Variants in SYN3 observed in about 807,000 individuals in gnomAD.
The protein encoded by SYN3 is synapsin III.
SYN3 carries 35 observed loss-of-function variants against 65.8 expected under a neutral mutation model. The ratio of observed to expected loss-of-function variants is 0.53; its 90% confidence interval spans 0.41 to 0.70. The LOEUF is 0.70. Ranked by LOEUF, SYN3 falls within the 30% of genes least tolerant of loss-of-function variation. SYN3 has a pLI of 0.00. For synonymous variants in SYN3, 270 were observed against 292.9 expected (o/e 0.92, Z 0.80); for missense variants, 680 against 749.0 (o/e 0.91, Z 1.08).
chr22:32,797,537 A>G (rs540818231), intron 6 of SYN3, among the ~76,000 whole-genome samples: 1 of 152,132 alleles, frequency 6.6e-6, no homozygotes, highest in Non-Finnish European at 1.5e-5. Flanking sequence ...GTGATAAAAA[A>G]GACACCTTCC....
chr22:32,517,376 C>G (rs1348622732), intron 13 of SYN3, among the ~76,000 whole-genome samples: 1 of 152,220 alleles, frequency 6.6e-6, no homozygotes, highest in South Asian at 2.1e-4. Context: ...GCCCAGCTGA[C>G]AGCTAGCACC....
intron 1 of SYN3, among the ~76,000 whole-genome samples, chr22:33,012,601 C>A (rs1434659848): frequency 1.3e-5 from 2 of 152,234 alleles, no homozygotes; most frequent in South Asian, 2.1e-4. Flanking sequence ...TCCATCTATG[C>A]TCAACAACTG....
At chr22:32,887,000 T>C (rs1043924786) in intron 4 of SYN3, among the ~76,000 whole-genome samples, 1 of 152,040 alleles carries the variant, frequency 6.6e-6, no homozygotes, top group Non-Finnish European at 1.5e-5. Context: ...CCCATGATAA[T>C]GCTACGTCAG....
At chr22:32,514,973 G>A (rs771881465) in intron 13 of SYN3, among the ~76,000 whole-genome samples, 36 of 151,836 alleles carry the variant, frequency 2.4e-4, no homozygotes, top group Non-Finnish European at 4.1e-4. Context: ...CCGAGATGGC[G>A]CCACTGCACT....
At chr22:32,756,142 C>A (rs896619890) in intron 6 of SYN3, among the ~76,000 whole-genome samples, 1 of 151,928 alleles carries the variant, frequency 6.6e-6, no homozygotes, top group African/African-American at 2.4e-5. Flanking sequence ...ATGGGTGCAG[C>A]AAACCACCAT....
At chr22:32,591,680 T>C (rs924646994) in intron 7 of SYN3, among the ~76,000 whole-genome samples, 1 of 152,232 alleles carries the variant, frequency 6.6e-6, no homozygotes, top group Non-Finnish European at 1.5e-5. Context: ...TGAAGTTAGT[T>C]TTGTGCAATG....
chr22:32,829,259 G>A (rs1015977653), intron 6 of SYN3, among the ~76,000 whole-genome samples: 2 of 152,156 alleles, frequency 1.3e-5, no homozygotes, highest in Non-Finnish European at 2.9e-5. Context: ...CCCTCCTTTC[G>A]TGATCACGCC....
chr22:32,528,946 G>A lies in SYN3; in HGVS notation c.1158C>T (p.Ala386=), dbSNP rs764428096. The A allele has an allele frequency of 3.1e-6, 5 of 1,614,066 alleles. No individual in the cohort carries two copies. The South Asian group carries it at 5.5e-5, about 18-fold the overall frequency. Residue 386 remains alanine (A), a synonymous_variant, in exon 11 of 14, where the codon GCC becomes GCT. Transcript: ENST00000358763. ...EHVEEDRQLM[A]DLVVSKMSQL... ...GGCTCATTTTGGAGACAACAAGGTCGGCCATCAGCTGTCTGTCCTCTTCCA... is the reference window on the plus strand; with the variant it reads ...GGCTCATTTTGGAGACAACAAGGTCAGCCATCAGCTGTCTGTCCTCTTCCA...
intron 6 of SYN3, among the ~76,000 whole-genome samples, chr22:32,695,461 T>C (rs1307760196): frequency 3.9e-5 from 6 of 152,220 alleles, no homozygotes; most frequent in Non-Finnish European, 8.8e-5. Context: ...TACCAGCAGA[T>C]TCCATTTGAG....
intron 6 of SYN3, among the ~76,000 whole-genome samples, chr22:32,696,143 G>A (rs2060733686): frequency 6.6e-6 from 1 of 152,208 alleles, no homozygotes; most frequent in South Asian, 2.1e-4. Flanking sequence ...TGAGTCAGAG[G>A]ACTGGGCTCC....
intron 6 of SYN3, among the ~76,000 whole-genome samples, chr22:32,795,727 G>A (rs142362279): frequency 5.0e-4 from 76 of 152,280 alleles, no homozygotes; most frequent in African/African-American, 1.6e-3. Flanking sequence ...TGAGGAGTCT[G>A]CCAAGAAGAC....
intron 6 of SYN3, among the ~76,000 whole-genome samples, chr22:32,840,457 G>C (rs374775325): frequency 3.9e-5 from 6 of 152,138 alleles, no homozygotes; most frequent in African/African-American, 1.4e-4. Flanking sequence ...GGACTTCTCT[G>C]AAGAGAGAGA....
intron 6 of SYN3, among the ~76,000 whole-genome samples, chr22:32,692,988 G>A (rs371014398): frequency 7.6e-4 from 115 of 152,164 alleles, no homozygotes; most frequent in African/African-American, 2.2e-3. Context: ...ACATAAGGAC[G>A]GCTGGATGTG....
At chr22:32,884,556 C>A (rs2049237034) in intron 4 of SYN3, among the ~76,000 whole-genome samples, 1 of 152,180 alleles carries the variant, frequency 6.6e-6, no homozygotes, top group Non-Finnish European at 1.5e-5. Context: ...ACTGTTCTAA[C>A]TTGTTTTTCT....
intron 7 of SYN3, among the ~76,000 whole-genome samples, chr22:32,581,267 G>A (rs1326020098): frequency 6.6e-6 from 1 of 152,062 alleles, no homozygotes; most frequent in Non-Finnish European, 1.5e-5. Flanking sequence ...CCACCACCAC[G>A]CCCAGCTAAT....
intron 6 of SYN3, among the ~76,000 whole-genome samples, chr22:32,740,254 T>C (rs1198833632): frequency 6.6e-6 from 1 of 152,240 alleles, no homozygotes; most frequent in Admixed American, 6.5e-5. Flanking sequence ...ACAACTGTTC[T>C]GTGCAGGTGC....
intron 6 of SYN3, among the ~76,000 whole-genome samples, chr22:32,847,084 C>T (rs542037065): frequency 1.3e-5 from 2 of 152,250 alleles, no homozygotes; most frequent in East Asian, 1.9e-4. Flanking sequence ...CCCTCCCACA[C>T]CCCCCGGCCA....
At position 32,855,179 on chromosome 22, in the gene SYN3, A is replaced by G. The variant is rs145407245; in HGVS notation, c.711+9736T>C. Among the ~76,000 whole-genome samples the G allele has an allele frequency of 1.6e-4, 25 of 152,318 alleles. 1 individual carries two copies. In the East Asian group the frequency reaches 4.8e-3, roughly 29 times the overall value. On this transcript the variant is annotated intron_variant, in intron 6 of 13. Transcript: ENST00000358763. ...AACTGAGGGGATAACAGAATTGTGC[A>G]ACACCTTGGTGCCCCACCGCCCCCG...
intron 7 of SYN3, among the ~76,000 whole-genome samples, chr22:32,542,089 TGG>T (rs908149713): frequency 3.6e-4 from 55 of 152,112 alleles, no homozygotes; most frequent in African/African-American, 1.3e-3. Flanking sequence ...GCACGGGCCA[TGG>T]GGGAACAGAC....
Sources: allele counts gnomAD v4.1 joint callset (sites outside exome capture counted in the v4.1 genomes callset), GRCh38; gene constraint gnomAD v4.1.1; transcripts MANE v1.5; gene names NCBI Gene and HGNC (gene_info 2026-07-23, HGNC 2026-07-21).